Variants in TTC7B observed in about 807,000 individuals in gnomAD.
TTC7B encodes the protein tetratricopeptide repeat protein 7B.
In TTC7B, 28 loss-of-function variants were observed where a neutral mutation model predicts 106.8. The ratio of observed to expected loss-of-function variants is 0.26; its 90% CI spans 0.19 to 0.36. TTC7B has a LOEUF of 0.36. TTC7B is among the 10% of genes least tolerant of loss of function. The probability of loss-of-function intolerance (pLI) is 1.00; values close to 1 mark genes in which losing one functional copy is unlikely to be tolerated. For missense variants in TTC7B, 862 were observed against 1,076.4 expected, an observed-to-expected ratio of 0.80 and a Z score of 2.79; for synonymous variants, 405 against 430.6, an observed-to-expected ratio of 0.94 and a Z score of 0.74.
Position 90,541,502 on chromosome 14 carries a change from C to T in TTC7B, c.2398G>A (p.Val800Ile), listed in dbSNP as rs1338996174. 1.2e-6 allele frequency: 2 copies of T among 1,614,084 alleles called. No individual in the cohort carries two copies. Among genetic ancestry groups the T allele is most frequent in the Non-Finnish European group, 1.7e-6 (2 of 1,179,992 alleles). ...AVQVNSTAHE[V>I]WNGLGEVLQA... Reference sequence around the variant, plus strand: ...AGGACCTCGCCCAGCCCGTTCCAGACCTCGTGGGCTGTCGAGTTCACCTGC... The same window carrying T: ...AGGACCTCGCCCAGCCCGTTCCAGATCTCGTGGGCTGTCGAGTTCACCTGC... The change falls in exon 20 of 20, where the codon GTC becomes ATC. Residue 800 changes from valine (V) to isoleucine (I), a missense_variant. Transcript: ENST00000328459.
intron 9 of TTC7B, chr14:90,676,299 G>C (rs1249582465): frequency 2.4e-6 from 1 of 410,436 alleles, no homozygotes; most frequent in African/African-American, 2.0e-5. Flanking sequence ...AGCCTGGTGG[G>C]TTATGGAACT....
At chr14:90,717,148 G>C (rs1888688788) in intron 5 of TTC7B, among the ~76,000 whole-genome samples, 1 of 152,094 alleles carries the variant, frequency 6.6e-6, no homozygotes, top group African/African-American at 2.4e-5. Context: ...GACCATCCTG[G>C]CTAACATGGT....
chr14:90,762,798 A>C (rs1890543973), intron 3 of TTC7B, among the ~76,000 whole-genome samples: 1 of 152,256 alleles, frequency 6.6e-6, no homozygotes, highest in Admixed American at 6.5e-5. Context: ...GCCATGACCA[A>C]GAGGCTAAGG....
chr14:90,750,457 G>C (rs374399658), intron 3 of TTC7B, among the ~76,000 whole-genome samples: 40 of 152,264 alleles, frequency 2.6e-4, no homozygotes, highest in Middle Eastern at 3.4e-3. Context: ...TCAAAGAAAG[G>C]CCAAATCCAG....
In TTC7B at chr14:90,578,447, A is replaced by ACTGT; in HGVS notation, c.2108-140_2108-139insACAG. 1 of 853,642 alleles carries ACTGT rather than the reference A, an allele frequency of 1.2e-6. No homozygotes were observed. The highest frequency in any genetic ancestry group is 1.7e-5 in the African/African-American group (1 of 60,090). 52.9% of individuals were successfully genotyped at this position (853,642 alleles called of 1,614,324 possible). A position where few individuals can be genotyped will look rare whatever the true frequency, so the allele number is the denominator to read the frequency against. On this transcript the variant is annotated intron_variant, in intron 18 of 19. Transcript: ENST00000328459. This position sits in a 1 kb window ranked among gnomAD's most constrained non-coding sequence, Gnocchi z 4.7. ...CAGCTGATCCCTGCTCCAAGTGGAA[A>ACTGT]CAGCTGCCGCTGACAGTCCCTCCTG...
chr14:90,801,354 C>A (rs925141330), intron 1 of TTC7B, among the ~76,000 whole-genome samples: 12 of 152,062 alleles, frequency 7.9e-5, no homozygotes, highest in Non-Finnish European at 1.2e-4. Flanking sequence ...TGAACTTCGC[C>A]CAGTGAGACC....
chr14:90,593,267 A>G (rs1892043398), intron 18 of TTC7B, among the ~76,000 whole-genome samples: 1 of 152,238 alleles, frequency 6.6e-6, no homozygotes. Flanking sequence ...GTGCCAGGGC[A>G]CCGAGGCAGG....
At chr14:90,642,278 T>C (rs1272484873) in intron 15 of TTC7B, among the ~76,000 whole-genome samples, 1 of 152,204 alleles carries the variant, frequency 6.6e-6, no homozygotes, top group Non-Finnish European at 1.5e-5. Flanking sequence ...ATTCTCTCGA[T>C]GGGAAGAAGT....
In TTC7B at chr14:90,532,260, CAT is replaced by C. The variant is rs1408824261; in HGVS notation, c.*9106_*9107del. The C allele has an allele frequency of 6.6e-5, 10 of 152,316 alleles. No individual in the cohort carries two copies. The highest frequency in any genetic ancestry group is 2.4e-4 in the African/African-American group (10 of 41,570). The allele number at this position is 152,316 out of a possible 1,614,324, so 9.4% of individuals were successfully genotyped here. A position where few individuals can be genotyped will look rare whatever the true frequency, so the allele number is the denominator to read the frequency against. The stretch of plus-strand genomic sequence containing the variant: ...ACATAAAAATATTTGTAAAAATTAA[CAT>C]AGTTACCTTTGGACAACATATTAAA... On this transcript the variant is annotated 3_prime_UTR_variant, in exon 20 of 20. Transcript: ENST00000328459.
chr14:90,571,413 G>C (rs536010166), intron 19 of TTC7B, among the ~76,000 whole-genome samples: 1 of 152,320 alleles, frequency 6.6e-6, no homozygotes, highest in Non-Finnish European at 1.5e-5. Context: ...AAAGGCAAGA[G>C]AGAAATGAGG....
At chr14:90,737,880 T>C (rs191132725) in intron 4 of TTC7B, among the ~76,000 whole-genome samples, 13 of 152,288 alleles carry the variant, frequency 8.5e-5, no homozygotes, top group Middle Eastern at 6.8e-3. Flanking sequence ...CTATGAAATG[T>C]CCAGAATATG....
intron 19 of TTC7B, among the ~76,000 whole-genome samples, chr14:90,556,380 C>T (rs1278010996): frequency 6.6e-6 from 1 of 152,082 alleles, no homozygotes; most frequent in Non-Finnish European, 1.5e-5. Flanking sequence ...TGGAACGTGG[C>T]GGTAGCTGTC....
chr14:90,644,478 G>A (rs1212770305), intron 14 of TTC7B, among the ~76,000 whole-genome samples: 1 of 152,140 alleles, frequency 6.6e-6, no homozygotes, highest in Admixed American at 6.5e-5. Context: ...CTACGTAGCT[G>A]CCAATACTGC....
intron 13 of TTC7B, among the ~76,000 whole-genome samples, chr14:90,650,547 G>A (rs1885673018): frequency 6.6e-6 from 1 of 152,162 alleles, no homozygotes; most frequent in South Asian, 2.1e-4. Flanking sequence ...AGCTAGGACA[G>A]AAAGGGGAAA....
At chr14:90,544,712 G>C (rs1053180170) in intron 19 of TTC7B, among the ~76,000 whole-genome samples, 3 of 152,158 alleles carry the variant, frequency 2.0e-5, no homozygotes, top group African/African-American at 7.2e-5. Flanking sequence ...AGGGAAGGGA[G>C]GTTTCTGGGT....
rs1045486115 is a variant in TTC7B at position 90,657,011 on chromosome 14, G to A, written c.1341+163C>T. On this transcript the variant is annotated intron_variant, in intron 11 of 19. Coordinates refer to ENST00000328459, the MANE Select transcript of TTC7B (RefSeq NM_001010854.2). The surrounding 1 kb of genome is among the most constrained non-coding windows in gnomAD (Gnocchi z 4.2). The stretch of plus-strand genomic sequence containing the variant: ...CCTTGGGGGAGTGGATGAGGCCTGA[G>A]GAGGCCAGGGGCCCAGGCCCAGGGT... Among the ~76,000 whole-genome samples the A allele has an allele frequency of 6.6e-6, 1 of 152,204 alleles. No individual in the cohort carries two copies. The highest frequency in any genetic ancestry group is 1.9e-4 in the East Asian group (1 of 5,190).
chr14:90,562,229 C>T lies in TTC7B; in HGVS notation c.2310+15877G>A, dbSNP rs111265766. Among the ~76,000 whole-genome samples, 1,347 of 152,278 alleles carry T rather than the reference C, an allele frequency of 8.8e-3. 12 individuals are homozygous for T. The highest frequency in any genetic ancestry group is 0.029 in the South Asian group (139 of 4,818). ...ACTTGCCATCACCCTTCGTTCAGTA[C>T]CTTCCCCTCCCTCTGTGTCCCCTCA... On this transcript the variant is annotated intron_variant, in intron 19 of 19. Coordinates refer to ENST00000328459, the MANE Select transcript of TTC7B (RefSeq NM_001010854.2).
chr14:90,545,018 C>T (rs1253082784), intron 19 of TTC7B, among the ~76,000 whole-genome samples: 1 of 152,218 alleles, frequency 6.6e-6, no homozygotes, highest in East Asian at 1.9e-4. Flanking sequence ...CACTGGGCAC[C>T]ACGCTAGGCA....
rs117347906 is a variant in TTC7B at position 90,639,577 on chromosome 14, T to C, written c.1751+4471A>G. On this transcript the variant is annotated intron_variant, in intron 15 of 19. Transcript: ENST00000328459. The stretch of plus-strand genomic sequence containing the variant: ...ATGGAACCACAGGGCTCTTGAGCGC[T>C]GCTGATGGGAGTGTAAACTAATACA... Among the ~76,000 whole-genome samples the C allele has an allele frequency of 2.7e-3, 409 of 152,320 alleles. 1 individual carries two copies. Among genetic ancestry groups the C allele is most frequent in the Non-Finnish European group, 3.5e-3 (239 of 68,024 alleles).
Sources: gnomAD v4.1 joint callset for allele counts (sites outside exome capture counted in the v4.1 genomes callset) on GRCh38, gnomAD v4.1.1 for gene constraint, Gnocchi (gnomAD v3.1) non-coding constraint, MANE v1.5 for transcripts, NCBI Gene and HGNC (gene_info 2026-07-23, HGNC 2026-07-21) for gene names.